AJAP1: variants seen among roughly 807,000 people sequenced by gnomAD.
The protein encoded by AJAP1 is adherens junctions associated protein 1, also known as adherens junction-associated protein 1.
Under a neutral mutation model 35.0 loss-of-function variants are expected in AJAP1, and 5 were observed. The ratio of observed to expected loss-of-function variants is 0.14; its 90% CI spans 0.07 to 0.30. The LOEUF (loss-of-function observed/expected upper bound fraction) is 0.30, where lower values mean the gene tolerates loss of function less well. Among genes scored for constraint, AJAP1 ranks in the 10% least tolerant of loss-of-function variants. AJAP1 has a pLI of 1.00. For synonymous variants in AJAP1, 284 were observed against 249.3 expected (o/e 1.14, Z -1.31); for missense variants, 586 against 571.0 (o/e 1.03, Z -0.27).
chr1:4,708,700 C>G (rs1238840705), intron 1 of AJAP1, among the ~76,000 whole-genome samples: 1 of 152,210 alleles, frequency 6.6e-6, no homozygotes, highest in Non-Finnish European at 1.5e-5. Flanking sequence ...AGGACCAGGT[C>G]CGGGCAGCAC....
intron 1 of AJAP1, among the ~76,000 whole-genome samples, chr1:4,689,953 C>G (rs187148): frequency 0.64 from 97,851 of 151,930 alleles, 32,084 homozygotes; most frequent in East Asian, 0.89. Context: ...CAGCCAGGCT[C>G]CCTGGCCTGG....
chr1:4,763,812 C>G (rs992010638), intron 2 of AJAP1, among the ~76,000 whole-genome samples: 3 of 147,594 alleles, frequency 2.0e-5, no homozygotes, highest in African/African-American at 7.6e-5. Context: ...GCCTTTCTCC[C>G]TCTCCCCCTC....
chr1:4,676,106 G>A lies in AJAP1; in HGVS notation c.29+20652G>A, dbSNP rs75303035. ...CTCTTTCCTGGTTCCTGGATGCTCC[G>A]TGTGTTTGGGAGAGGATCCCCGGCG... On this transcript the variant is annotated intron_variant, in intron 1 of 5. Coordinates refer to ENST00000378191, the MANE Select transcript of AJAP1 (RefSeq NM_018836.4). 3.6e-3 allele frequency among the ~76,000 whole-genome samples: 545 copies of A among 152,284 alleles called. 12 individuals are homozygous for A. In the East Asian group the frequency reaches 0.051, roughly 14 times the overall value.
rs1486797630 is a variant in AJAP1, at chr1:4,734,793, C to G, written c.829+22094C>G. On this transcript the variant is annotated intron_variant, in intron 2 of 5. Coordinates refer to ENST00000378191, the MANE Select transcript of AJAP1 (RefSeq NM_018836.4). The surrounding 1 kb of genome is among the most constrained non-coding windows in gnomAD (Gnocchi z 4.3). Reference sequence around the variant, plus strand: ...CAGTGATGGTGGCAGGGCCAAGGCTCTCACCTTCCCCCGGACAAGGTTTCT... The same window carrying G: ...CAGTGATGGTGGCAGGGCCAAGGCTGTCACCTTCCCCCGGACAAGGTTTCT... 1.3e-5 allele frequency among the ~76,000 whole-genome samples: 2 copies of G among 152,164 alleles called. No individual in the cohort carries two copies. Among genetic ancestry groups the G allele is most frequent in the Admixed American group, 6.6e-5 (1 of 15,266 alleles).
In AJAP1 at chr1:4,782,483, A is replaced by G; in HGVS notation, c.*60-62A>G. On this transcript the variant is annotated intron_variant, in intron 5 of 5. Transcript: ENST00000378191. The surrounding 1 kb of genome is among the most constrained non-coding windows in gnomAD (Gnocchi z 5.3). ...GGGGTCCCAGTCGACCGAGAACCCC[A>G]CAGACTTGTCGCGCCCTCGGCGTGC... 1 of 317,858 alleles carries G rather than the reference A, an allele frequency of 3.1e-6. No homozygotes were observed. The highest frequency in any genetic ancestry group is 5.7e-6 in the Non-Finnish European group (1 of 175,282). The allele number at this position is 317,858 out of a possible 1,614,324, so 19.7% of individuals were successfully genotyped here.
chr1:4,748,198 C>T (rs1313987690), intron 2 of AJAP1, among the ~76,000 whole-genome samples: 1 of 152,128 alleles, frequency 6.6e-6, no homozygotes, highest in African/African-American at 2.4e-5. Context: ...TCAGCTACTC[C>T]CTCCCATTGA....
At chr1:4,676,868 A>G (rs1401852820) in intron 1 of AJAP1, among the ~76,000 whole-genome samples, 2 of 152,220 alleles carry the variant, frequency 1.3e-5, no homozygotes, top group East Asian at 3.9e-4. Flanking sequence ...CAAAGAGAAA[A>G]TAAAATGGCC....
rs112601160 is a variant in AJAP1 at position 4,658,307 on chromosome 1, G to A, written c.29+2853G>A. On this transcript the variant is annotated intron_variant, in intron 1 of 5. Coordinates refer to ENST00000378191, the MANE Select transcript of AJAP1 (RefSeq NM_018836.4). ...CCCTTTTGTTTGGGAGGCCCTGGGT[G>A]TGTGTGTTGACATAATTCACAGTTC... 4.1e-3 allele frequency among the ~76,000 whole-genome samples: 618 copies of A among 152,296 alleles called. 5 individuals carry two copies. The highest frequency in any genetic ancestry group is 0.014 in the African/African-American group (581 of 41,562).
intron 2 of AJAP1, among the ~76,000 whole-genome samples, chr1:4,768,509 C>T (rs2100356809): frequency 6.6e-6 from 1 of 152,344 alleles, no homozygotes; most frequent in Non-Finnish European, 1.5e-5. Context: ...AGAGACTGTC[C>T]TTGGGAGGCC....
In AJAP1 at chr1:4,719,461, A is replaced by G. The variant is rs79839913; in HGVS notation, c.829+6762A>G. Among the ~76,000 whole-genome samples the G allele has an allele frequency of 7.1e-3, 1,083 of 152,356 alleles. 4 individuals are homozygous for G. Among genetic ancestry groups the G allele is most frequent in the Admixed American group, 0.011 (162 of 15,308 alleles). On this transcript the variant is annotated intron_variant, in intron 2 of 5. Transcript: ENST00000378191. ...CAATCGCCCAATTGTTATTCTGGCA[A>G]TACAGATTGGAAGGAAACAGGAGCC...
chr1:4,657,806 GTATGTGGAGCT>G (rs1192157159), intron 1 of AJAP1, among the ~76,000 whole-genome samples: 2 of 152,104 alleles, frequency 1.3e-5, no homozygotes, highest in African/African-American at 4.8e-5. Context: ...GAACTGAGCT[GTATGTGGAGCT>G]TTTTTTTTTT....
chr1:4,678,487 T>C (rs1008112457), intron 1 of AJAP1, among the ~76,000 whole-genome samples: 1 of 152,226 alleles, frequency 6.6e-6, no homozygotes, highest in Non-Finnish European at 1.5e-5. Flanking sequence ...CATGTGGTTG[T>C]TAGCAGCATG....
At position 4,694,041 on chromosome 1, in the gene AJAP1, C is replaced by T. The variant is rs554087996; in HGVS notation, c.30-17859C>T. On this transcript the variant is annotated intron_variant, in intron 1 of 5. Transcript: ENST00000378191. The stretch of plus-strand genomic sequence containing the variant: ...TAGGGTGAGCAAAGGAGGGTAGACC[C>T]GTGTTGGGGCTGCCCCTGCACCTGC... Among the ~76,000 whole-genome samples, 10 of 152,286 alleles carry T rather than the reference C, an allele frequency of 6.6e-5. No homozygotes were observed. The East Asian group carries it at 9.7e-4, about 15-fold the overall frequency.
intron 2 of AJAP1, among the ~76,000 whole-genome samples, chr1:4,742,804 T>C (rs1193073964): frequency 6.6e-6 from 1 of 152,178 alleles, no homozygotes; most frequent in Non-Finnish European, 1.5e-5. Context: ...TTAGTACTTT[T>C]ACTTTTCCCC....
At chr1:4,748,486 G>A (rs140686657) in intron 2 of AJAP1, among the ~76,000 whole-genome samples, 68 of 152,136 alleles carry the variant, frequency 4.5e-4, no homozygotes, top group East Asian at 1.7e-3. Context: ...GGTGTCTCAC[G>A]CCTGTAATCC....
chr1:4,664,171 G>C (rs12135245), intron 1 of AJAP1, among the ~76,000 whole-genome samples: 42,757 of 152,100 alleles, frequency 0.28, 6,653 homozygotes, highest in Admixed American at 0.35. Flanking sequence ...AGCAGAGCCC[G>C]CACTCAAACC....
chr1:4,682,801 G>T (rs1156812683), intron 1 of AJAP1, among the ~76,000 whole-genome samples: 2 of 152,112 alleles, frequency 1.3e-5, no homozygotes, highest in African/African-American at 4.8e-5. Context: ...TGGTAATGAT[G>T]ATAATGATGA....
At chr1:4,718,430 G>A (rs11582951) in intron 2 of AJAP1, among the ~76,000 whole-genome samples, 2,690 of 151,514 alleles carry the variant, frequency 0.018, 66 homozygotes, top group South Asian at 0.12. Context: ...TGCTAGGGAT[G>A]TGAAAGGTCT....
intron 2 of AJAP1, among the ~76,000 whole-genome samples, chr1:4,728,694 C>T (rs997519658): frequency 3.3e-5 from 5 of 152,136 alleles, no homozygotes; most frequent in African/African-American, 9.7e-5. Context: ...CCGTCTACAG[C>T]GAAAGGTCAT....
Sources: allele counts gnomAD v4.1 joint callset (sites outside exome capture counted in the v4.1 genomes callset), GRCh38; gene constraint gnomAD v4.1.1; non-coding constraint Gnocchi (gnomAD v3.1); transcripts MANE v1.5; gene names NCBI Gene and HGNC (gene_info 2026-07-23, HGNC 2026-07-21).